EXO1: variants seen among roughly 807,000 people sequenced by gnomAD.
EXO1 encodes exonuclease 1.
EXO1 carries 69 observed loss-of-function variants against 84.5 expected under a neutral mutation model. The observed-to-expected ratio is 0.82, with a 90% CI of 0.67 to 1.00. The LOEUF (loss-of-function observed/expected upper bound fraction) is 1.00, where lower values mean the gene tolerates loss of function less well. Among genes scored for constraint, EXO1 ranks in the 50% least tolerant of loss-of-function variants. EXO1 has a pLI of 0.00. For missense variants in EXO1, 1,045 were observed against 1,000.7 expected (o/e 1.04, Z -0.60); for synonymous variants, 373 against 366.1 (o/e 1.02, Z -0.21).
chr1:241,856,635 C>T (rs1469513767), intron 6 of EXO1, among the ~76,000 whole-genome samples: 1 of 152,114 alleles, frequency 6.6e-6, no homozygotes, highest in African/African-American at 2.4e-5. Flanking sequence ...CGTAGCTTGA[C>T]AGGACAACCT....
At chr1:241,862,398 G>A (rs567826396) in intron 10 of EXO1, among the ~76,000 whole-genome samples, 5 of 151,976 alleles carry the variant, frequency 3.3e-5, no homozygotes, top group South Asian at 4.2e-4. Context: ...TCCCATTTAC[G>A]TAAAGAACTC....
chr1:241,858,538 A>T lies in EXO1; in HGVS notation c.576A>T (p.Gly192=), dbSNP rs909891590. ...TAAAGATGGACCAGTTTGGAAATGGACTTGAAATTGATCAAGCTCGGCTAG... is the reference window on the plus strand; with the variant it reads ...TAAAGATGGACCAGTTTGGAAATGGTCTTGAAATTGATCAAGCTCGGCTAG... The part of the protein sequence containing the change: ...VILKMDQFGN[G]LEIDQARLGM... The change falls in exon 8 of 16, where the codon GGA becomes GGT. Residue 192 remains glycine (G), a synonymous_variant. Coordinates refer to ENST00000366548, the MANE Select transcript of EXO1 (RefSeq NM_130398.4). 3 of 1,613,962 alleles carry T rather than the reference A, an allele frequency of 1.9e-6. No individual in the cohort carries two copies. The African/African-American group carries it at 4.0e-5, about 22-fold the overall frequency.
intron 6 of EXO1, among the ~76,000 whole-genome samples, chr1:241,853,994 C>T (rs561399155): frequency 6.6e-6 from 1 of 152,284 alleles, no homozygotes; most frequent in South Asian, 2.1e-4. Flanking sequence ...CCCAGGCACC[C>T]TACAGACTTC....
chr1:241,857,252 G>A, intron 6 of EXO1, 93 bp from the exon 7 acceptor site: 1 of 1,202,904 alleles, frequency 8.3e-7, no homozygotes, highest in South Asian at 1.3e-5. Flanking sequence ...GCATGTGCCT[G>A]CTGAGGCTAG....
intron 10 of EXO1, among the ~76,000 whole-genome samples, chr1:241,862,714 G>A (rs1661472123): frequency 6.6e-6 from 1 of 152,160 alleles, no homozygotes; most frequent in South Asian, 2.1e-4. Context: ...ATGAGTGTTA[G>A]CCACAGGTCT....
rs769119452 is a variant in EXO1 at position 241,879,267 on chromosome 1, A to G, written c.2033A>G (p.Glu678Gly). The change falls in exon 13 of 16, where the codon GAA becomes GGA. Residue 678 changes from glutamate (E) to glycine (G), a missense_variant. Glu to Gly is a moderately conservative substitution (Grantham distance 98, BLOSUM62 -2). Transcript: ENST00000366548. ...REEACSSQSQ[E>G]SGEFSLQSSN... Reference sequence around the variant, plus strand: ...GAGGCATGTTCTTCACAGTCCCAGGAAAGTGGAGAATTCTCACTGCAGAGT... The same window carrying G: ...GAGGCATGTTCTTCACAGTCCCAGGGAAGTGGAGAATTCTCACTGCAGAGT... The G allele has an allele frequency of 5.0e-6, 8 of 1,601,834 alleles. No homozygotes were observed. The highest frequency in any genetic ancestry group is 1.1e-5 in the South Asian group (1 of 88,158).
intron 11 of EXO1, among the ~76,000 whole-genome samples, chr1:241,870,850 A>G (rs753012013): frequency 2.6e-5 from 4 of 152,220 alleles, no homozygotes; most frequent in Non-Finnish European, 5.9e-5. Context: ...ACTGAATCAG[A>G]GCAAGTACAG....
chr1:241,889,574 C>T lies in EXO1; in HGVS notation c.2515C>T (p.Arg839Cys), dbSNP rs1486430220. 1.2e-6 allele frequency: 2 copies of T among 1,613,952 alleles called. No homozygotes were observed. The highest frequency in any genetic ancestry group is 1.3e-5 in the African/African-American group (1 of 75,018). ...TATATTTAACAAACCTGAATGTGGC[C>T]GTGTTCAAAGAGCAATATTCCAGTA... is the stretch of plus-strand genomic sequence containing the variant. ...EDIFNKPECG[R>C]VQRAIFQ The change falls in exon 16 of 16, where the codon CGT becomes TGT. Residue 839 changes from arginine to cysteine, a missense_variant. By Grantham distance (180) the Arg-to-Cys change is radical. Transcript: ENST00000366548.
At chr1:241,879,771 G>C (rs1373864443) in intron 13 of EXO1, among the ~76,000 whole-genome samples, 1 of 152,118 alleles carries the variant, frequency 6.6e-6, no homozygotes, top group South Asian at 2.1e-4. Context: ...TTGGGAGGCC[G>C]AGGCGAGCGG....
intron 12 of EXO1, among the ~76,000 whole-genome samples, chr1:241,875,846 C>G (rs960702767): frequency 4.6e-5 from 7 of 152,164 alleles, no homozygotes; most frequent in Admixed American, 1.3e-4. Flanking sequence ...CCACTGCACT[C>G]CAGCCTGGGT....
intron 14 of EXO1, among the ~76,000 whole-genome samples, chr1:241,883,293 G>A (rs1662873500): frequency 6.6e-6 from 1 of 152,178 alleles, no homozygotes; most frequent in African/African-American, 2.4e-5. Context: ...ACCAGAAACT[G>A]GATTTGCTTA....
chr1:241,878,660 C>A, intron 12 of EXO1, 89 bp from the exon 13 acceptor site: 1 of 753,462 alleles, frequency 1.3e-6, no homozygotes, highest in Non-Finnish European at 2.2e-6. Flanking sequence ...CAAAAAGAAA[C>A]TGATTATTCC....
chr1:241,855,904 A>G (rs1011188597), intron 6 of EXO1, among the ~76,000 whole-genome samples: 4 of 152,170 alleles, frequency 2.6e-5, no homozygotes, highest in Admixed American at 2.6e-4. Context: ...GCCCACCCGG[A>G]ACTCCAGCTG....
rs544174549 is a variant in EXO1, at chr1:241,871,427, C to A, written c.1268-605C>A. Reference sequence around the variant, plus strand: ...CCTTAGTGCTGTCTCTATGTACTTACCTGTCTCAGATTTTAAACTTTTGTT... The same window carrying A: ...CCTTAGTGCTGTCTCTATGTACTTAACTGTCTCAGATTTTAAACTTTTGTT... On this transcript the variant is annotated intron_variant, in intron 11 of 15. Coordinates refer to ENST00000366548, the MANE Select transcript of EXO1 (RefSeq NM_130398.4). 1.9e-4 allele frequency among the ~76,000 whole-genome samples: 29 copies of A among 152,108 alleles called. No individual in the cohort carries two copies. The South Asian group carries it at 5.8e-3, about 31-fold the overall frequency.
intron 5 of EXO1, among the ~76,000 whole-genome samples, chr1:241,853,036 G>A (rs1415679312): frequency 1.3e-5 from 2 of 152,308 alleles, no homozygotes; most frequent in East Asian, 1.9e-4. Context: ...TTCCTTAAAT[G>A]TTATGTATCT....
At chr1:241,866,684 A>C in intron 10 of EXO1, 146 bp from the exon 11 acceptor site, 1 of 696,354 alleles carries the variant, frequency 1.4e-6, no homozygotes, top group South Asian at 1.6e-5. Context: ...CAAAGTAGGA[A>C]ATGTTATTCA....
At chr1:241,876,777 A>T (rs1324942532) in intron 12 of EXO1, among the ~76,000 whole-genome samples, 1 of 152,190 alleles carries the variant, frequency 6.6e-6, no homozygotes, top group Non-Finnish European at 1.5e-5. Flanking sequence ...TACAGTTAGT[A>T]CTGGTGATAG....
intron 6 of EXO1, among the ~76,000 whole-genome samples, chr1:241,855,475 G>A (rs1393558388): frequency 6.6e-6 from 1 of 152,220 alleles, no homozygotes; most frequent in Non-Finnish European, 1.5e-5. Context: ...TAGACGTAAA[G>A]ATTCTCCAAG....
intron 12 of EXO1, among the ~76,000 whole-genome samples, chr1:241,872,516 T>C (rs368262920): frequency 2.1e-3 from 317 of 152,214 alleles, no homozygotes; most frequent in African/African-American, 7.4e-3. Context: ...CCCCCTACCC[T>C]GCCACAGGCC....
Sources: gnomAD v4.1 joint callset for allele counts (sites outside exome capture counted in the v4.1 genomes callset) on GRCh38, gnomAD v4.1.1 for gene constraint, MANE v1.5 for transcripts, NCBI Gene and HGNC (gene_info 2026-07-23, HGNC 2026-07-21) for gene names.